Variants in ACO2 observed in about 807,000 individuals in gnomAD.
ACO2 encodes the protein aconitase 2.
A neutral mutation model predicts 84.5 loss-of-function variants in ACO2; 31 were observed. That is an observed-to-expected ratio of 0.37 (90% confidence interval 0.28 to 0.50). The LOEUF is 0.50. Ranked by LOEUF, ACO2 falls within the 20% of genes least tolerant of loss-of-function variation. ACO2 has a pLI of 0.97. For missense variants in ACO2, 685 were observed against 1,029.3 expected (o/e 0.67, Z 4.58); for synonymous variants, 414 against 412.7 (o/e 1.00, Z -0.04).
intron 2 of ACO2, among the ~76,000 whole-genome samples, chr22:41,503,112 T>A (rs974850736): frequency 1.3e-5 from 2 of 152,206 alleles, no homozygotes; most frequent in Non-Finnish European, 2.9e-5. Context: ...CATTAAACAA[T>A]TAATAACAAC....
chr22:41,500,553 T>G (rs1305953593), intron 2 of ACO2, among the ~76,000 whole-genome samples: 1 of 151,226 alleles, frequency 6.6e-6, no homozygotes, highest in African/African-American at 2.4e-5. Context: ...CCCGGCTGAT[T>G]TTTGTAGTTT....
rs2066604655 is a variant in ACO2, at chr22:41,526,690, T to C, written c.1953+237T>C. On this transcript the variant is annotated intron_variant, in intron 15 of 17. Coordinates refer to ENST00000216254, the MANE Select transcript of ACO2 (RefSeq NM_001098.3). The stretch of plus-strand genomic sequence containing the variant: ...CCAGGAGGAGTTAGTGAGAGATATC[T>C]TAGGATATCTGGCCCTAGACAAAGA... 3 of 478,592 alleles carry C rather than the reference T, an allele frequency of 6.3e-6. No individual in the cohort carries two copies. The East Asian group carries it at 9.9e-5, about 16-fold the overall frequency. 29.6% of individuals were successfully genotyped at this position (478,592 alleles called of 1,614,324 possible).
intron 1 of ACO2, among the ~76,000 whole-genome samples, chr22:41,485,676 C>G (rs1420505383): frequency 6.6e-6 from 1 of 151,902 alleles, no homozygotes; most frequent in Non-Finnish European, 1.5e-5. Flanking sequence ...ATCTCCTGAC[C>G]TTGTGATCCA....
rs758665243 is a variant in ACO2 at position 41,469,219 on chromosome 22, G to A, written c.36+37G>A. Reference sequence around the variant, plus strand: ...CAGGGACCTCTGGGTTCACGGGGGCGGGGTGCCTCCTACTGTGCCGGCGGC... The same window carrying A: ...CAGGGACCTCTGGGTTCACGGGGGCAGGGTGCCTCCTACTGTGCCGGCGGC... On this transcript the variant is annotated intron_variant, in intron 1 of 17. Coordinates refer to ENST00000216254, the MANE Select transcript of ACO2 (RefSeq NM_001098.3). 123 of 1,600,076 alleles carry A rather than the reference G, an allele frequency of 7.7e-5. 1 individual carries two copies. The South Asian group carries it at 8.0e-4, about 10-fold the overall frequency.
chr22:41,494,524 G>T (rs1000331804), intron 1 of ACO2, among the ~76,000 whole-genome samples: 1 of 150,362 alleles, frequency 6.7e-6, no homozygotes. Context: ...CGATTCTCCT[G>T]CCTCAGCCTC....
intron 1 of ACO2, among the ~76,000 whole-genome samples, chr22:41,478,070 A>T (rs1326818467): frequency 6.6e-6 from 1 of 152,122 alleles, no homozygotes; most frequent in Non-Finnish European, 1.5e-5. Context: ...GTCTCAAAAA[A>T]AAAACCAAAC....
At chr22:41,521,522 T>G (rs941753924) in intron 9 of ACO2, 1 of 152,224 alleles carries the variant, frequency 6.6e-6, no homozygotes, top group South Asian at 2.1e-4. Flanking sequence ...GAAGGTGGTG[T>G]TGGGCCTACT....
intron 1 of ACO2, 39 bp from the exon 2 acceptor site, chr22:41,499,687 G>A (rs1385007764): frequency 1.2e-6 from 2 of 1,603,732 alleles, no homozygotes; most frequent in Non-Finnish European, 1.7e-6. Context: ...ACTCTCCTAA[G>A]TGCTCCATTG....
chr22:41,504,855 C>G (rs968148194), intron 2 of ACO2, among the ~76,000 whole-genome samples: 70 of 150,650 alleles, frequency 4.6e-4, no homozygotes, highest in African/African-American at 1.6e-3. Flanking sequence ...TTCCCAGTAT[C>G]TGGGACTATA....
intron 1 of ACO2, among the ~76,000 whole-genome samples, chr22:41,474,809 C>T (rs1408857675): frequency 1.3e-5 from 2 of 151,354 alleles, no homozygotes; most frequent in Admixed American, 1.3e-4. Flanking sequence ...CACTATTAGC[C>T]GGGATGGTCT....
intron 1 of ACO2, among the ~76,000 whole-genome samples, chr22:41,496,413 C>A (rs141146020): frequency 6.6e-6 from 1 of 152,042 alleles, no homozygotes; most frequent in East Asian, 1.9e-4. Context: ...CACTTAGGAA[C>A]GCACAGGGTA....
intron 1 of ACO2, among the ~76,000 whole-genome samples, chr22:41,491,083 T>C (rs941202351): frequency 1.3e-5 from 2 of 151,912 alleles, no homozygotes; most frequent in Non-Finnish European, 2.9e-5. Context: ...GAAATGTATT[T>C]GGAGTTTGAT....
At chr22:41,492,893 G>A (rs2066282669) in intron 1 of ACO2, among the ~76,000 whole-genome samples, 1 of 152,180 alleles carries the variant, frequency 6.6e-6, no homozygotes, top group Non-Finnish European at 1.5e-5. Flanking sequence ...GCAGTGAGAC[G>A]AGATAGCGCC....
intron 4 of ACO2, among the ~76,000 whole-genome samples, chr22:41,512,752 C>T (rs2066443718): frequency 6.6e-6 from 1 of 152,186 alleles, no homozygotes; most frequent in South Asian, 2.1e-4. Context: ...GACAGTTGGA[C>T]AGTTTTGTCT....
At chr22:41,511,057 G>A (rs1181694868) in intron 3 of ACO2, among the ~76,000 whole-genome samples, 3 of 152,240 alleles carry the variant, frequency 2.0e-5, no homozygotes, top group African/African-American at 7.2e-5. Flanking sequence ...TCAGGCTGGA[G>A]TGTAGTGGTG....
chr22:41,526,082 C>T (rs867614143), intron 14 of ACO2, 180 bp from the exon 15 acceptor site: 1 of 581,140 alleles, frequency 1.7e-6, no homozygotes. Flanking sequence ...TGGCCTGAGC[C>T]CATGTGGCCT....
chr22:41,519,047 G>C (rs2066498989), intron 8 of ACO2, among the ~76,000 whole-genome samples: 1 of 152,162 alleles, frequency 6.6e-6, no homozygotes, highest in South Asian at 2.1e-4. Context: ...GGTGGGGAGG[G>C]GGGAGACACA....
intron 2 of ACO2, among the ~76,000 whole-genome samples, chr22:41,500,315 T>A (rs1018898714): frequency 1.5e-4 from 22 of 148,072 alleles, no homozygotes; most frequent in South Asian, 1.3e-3. Context: ...TATTTTATTT[T>A]ATTTTATTTT....
At chr22:41,522,716 G>T (rs531162932) in intron 9 of ACO2, 114 bp from the exon 10 acceptor site, 106 of 1,244,446 alleles carry the variant, frequency 8.5e-5, no homozygotes, top group Admixed American at 1.5e-4. Flanking sequence ...AAAGTCTCTG[G>T]CCCAGCCCAG....
Sources: gnomAD v4.1 joint callset for allele counts (sites outside exome capture counted in the v4.1 genomes callset) on GRCh38, gnomAD v4.1.1 for gene constraint, MANE v1.5 for transcripts, NCBI Gene and HGNC (gene_info 2026-07-23, HGNC 2026-07-21) for gene names.